Variants in DLGAP3 observed in about 807,000 individuals in gnomAD.
The protein encoded by DLGAP3 is DLG associated protein 3.
DLGAP3 carries 17 observed loss-of-function variants against 81.2 expected under a neutral mutation model. The ratio of observed to expected loss-of-function variants is 0.21; its 90% CI spans 0.14 to 0.31. The LOEUF is 0.31. Among genes scored for constraint, DLGAP3 ranks in the 10% least tolerant of loss-of-function variants. The pLI is 1.00. For missense variants in DLGAP3, 1,124 were observed against 1,388.0 expected (o/e 0.81, Z 3.02); for synonymous variants, 577 against 587.4 (o/e 0.98, Z 0.26).
chr1:34,914,927 A>G (rs969787097), intron 1 of DLGAP3, among the ~76,000 whole-genome samples: 1 of 152,148 alleles, frequency 6.6e-6, no homozygotes, highest in Non-Finnish European at 1.5e-5. Flanking sequence ...TAAGCGTACC[A>G]AAGACAGCAG....
At chr1:34,907,639 A>T (rs1397712522) in intron 1 of DLGAP3, among the ~76,000 whole-genome samples, 1 of 152,206 alleles carries the variant, frequency 6.6e-6, no homozygotes, top group African/African-American at 2.4e-5. Flanking sequence ...ATGAGCTTAC[A>T]GGTTGGACTA....
chr1:34,891,776 G>A (rs1392502632), intron 5 of DLGAP3, among the ~76,000 whole-genome samples: 1 of 152,122 alleles, frequency 6.6e-6, no homozygotes, highest in Non-Finnish European at 1.5e-5. Flanking sequence ...ATGCAGATAT[G>A]GGGGAAACCC....
At chr1:34,894,956 G>T (rs1291253827) in intron 5 of DLGAP3, among the ~76,000 whole-genome samples, 1 of 152,198 alleles carries the variant, frequency 6.6e-6, no homozygotes, top group East Asian at 1.9e-4. Flanking sequence ...AGTATTTGAG[G>T]TGATGGGTAT....
At chr1:34,905,953 C>G (rs1292935863) in intron 2 of DLGAP3, among the ~76,000 whole-genome samples, 5 of 143,890 alleles carry the variant, frequency 3.5e-5, no homozygotes, top group African/African-American at 1.3e-4. Context: ...CTGCAGTGAA[C>G]TATGATTGTA....
At chr1:34,881,107 T>C (rs973159742) in intron 8 of DLGAP3, among the ~76,000 whole-genome samples, 1 of 152,222 alleles carries the variant, frequency 6.6e-6, no homozygotes, top group African/African-American at 2.4e-5. Context: ...TAAAAAATTG[T>C]AGGCTTACAA....
At chr1:34,916,179 G>A (rs1050539867) in intron 1 of DLGAP3, among the ~76,000 whole-genome samples, 5 of 152,130 alleles carry the variant, frequency 3.3e-5, no homozygotes, top group East Asian at 1.9e-4. Flanking sequence ...AAAGGAAGGC[G>A]ATGACTCCCT....
intron 5 of DLGAP3, among the ~76,000 whole-genome samples, chr1:34,894,768 G>A (rs898749175): frequency 6.6e-6 from 1 of 152,274 alleles, no homozygotes; most frequent in South Asian, 2.1e-4. Context: ...AGGAGGTAAA[G>A]TGAGGAGTAA....
chr1:34,885,515 G>T lies in DLGAP3; in HGVS notation c.1877C>A (p.Ala626Glu). The change falls in exon 7 of 12, where the codon GCG (alanine) becomes GAG (glutamate). Residue 626 changes from alanine (A) to glutamate (E), a missense_variant. Physicochemically the swap from Ala to Glu is moderately radical, Grantham distance 107. Coordinates refer to ENST00000373347, the MANE Select transcript of DLGAP3 (RefSeq NM_001080418.3). ...IPGREELRSL[A>E]RQRKWRPSIG... ...GGACGGCCGCCACTTCCGCTGCCGC[G>T]CCAGGCTCCGCAGCTCCTCCCTGCC... 1 of 1,609,060 alleles carries T rather than the reference G, an allele frequency of 6.2e-7. No homozygotes were observed. The highest frequency in any genetic ancestry group is 1.1e-5 in the South Asian group (1 of 91,068).
intron 7 of DLGAP3, among the ~76,000 whole-genome samples, 179 bp downstream of exon 7, chr1:34,885,299 C>T (rs1639202874): frequency 6.6e-6 from 1 of 152,166 alleles, no homozygotes; most frequent in Non-Finnish European, 1.5e-5. Flanking sequence ...GGACGAGGGA[C>T]GAGGGAGTGG....
intron 1 of DLGAP3, among the ~76,000 whole-genome samples, chr1:34,914,048 C>A (rs1001307151): frequency 6.6e-6 from 1 of 152,120 alleles, no homozygotes; most frequent in Admixed American, 6.5e-5. Flanking sequence ...AAGAATGAGG[C>A]ACAACTTTCA....
chr1:34,891,027 A>C (rs562493311), intron 5 of DLGAP3, among the ~76,000 whole-genome samples: 2 of 152,252 alleles, frequency 1.3e-5, no homozygotes, highest in Non-Finnish European at 2.9e-5. Context: ...AATGATGTTT[A>C]AAAGTTCCAA....
At position 34,873,837 on chromosome 1, in the gene DLGAP3, T is replaced by C. The variant is rs1388315366; in HGVS notation, c.2001-4748A>G. 2.0e-5 allele frequency among the ~76,000 whole-genome samples: 3 copies of C among 151,916 alleles called. No homozygotes were observed. The highest frequency in any genetic ancestry group is 4.2e-4 in the South Asian group (2 of 4,818). On this transcript the variant is annotated intron_variant, in intron 8 of 11. Coordinates refer to ENST00000373347, the MANE Select transcript of DLGAP3 (RefSeq NM_001080418.3). This position sits in a 1 kb window ranked among gnomAD's most constrained non-coding sequence, Gnocchi z 4.2. ...ACTGGTTGGTTGGTTGGTTGGTTGG[T>C]TGGTTGGTTGGTTGGAAGGAAGGAT... is the stretch of plus-strand genomic sequence containing the variant.
intron 1 of DLGAP3, among the ~76,000 whole-genome samples, chr1:34,908,430 A>C (rs771292423): frequency 1.3e-5 from 2 of 152,220 alleles, no homozygotes; most frequent in Non-Finnish European, 2.9e-5. Context: ...CAACAAGCAC[A>C]GGGAGAAGAG....
intron 1 of DLGAP3, among the ~76,000 whole-genome samples, chr1:34,917,144 C>T (rs1269735918): frequency 6.6e-6 from 1 of 152,136 alleles, no homozygotes; most frequent in Admixed American, 6.5e-5. Flanking sequence ...CTATACACTG[C>T]CCCAAGACTG....
At position 34,873,120 on chromosome 1, in the gene DLGAP3, T is replaced by G. The variant is rs557422767; in HGVS notation, c.2001-4031A>C. 6.6e-6 allele frequency among the ~76,000 whole-genome samples: 1 copy of G among 152,294 alleles called. No individual in the cohort carries two copies. The highest frequency in any genetic ancestry group is 2.1e-4 in the South Asian group (1 of 4,820). On this transcript the variant is annotated intron_variant, in intron 8 of 11. Transcript: ENST00000373347. This position sits in a 1 kb window ranked among gnomAD's most constrained non-coding sequence, Gnocchi z 4.2. ...AATCCTCACAAACAGTCCCACTCTA[T>G]GGATGTTAGTGTCAGCCCTACTTGT...
chr1:34,923,519 T>A (rs909192405), intron 1 of DLGAP3, among the ~76,000 whole-genome samples: 2 of 151,928 alleles, frequency 1.3e-5, no homozygotes, highest in African/African-American at 4.8e-5. Flanking sequence ...AGAGCAGGAC[T>A]CTCTAAGGGG....
chr1:34,871,731 C>A (rs1408465769), intron 8 of DLGAP3, among the ~76,000 whole-genome samples: 2 of 152,184 alleles, frequency 1.3e-5, no homozygotes, highest in Non-Finnish European at 2.9e-5. Context: ...TTCGGCACTG[C>A]CATGTTCGCT....
chr1:34,907,505 G>A (rs951411090), intron 1 of DLGAP3, 68 bp from the exon 2 acceptor site: 1 of 152,612 alleles, frequency 6.6e-6, no homozygotes, highest in African/African-American at 2.4e-5. Context: ...CAGAGGACCG[G>A]TCTCTGGCCC....
At chr1:34,881,331 C>T (rs6690532) in intron 8 of DLGAP3, among the ~76,000 whole-genome samples, 4 of 152,212 alleles carry the variant, frequency 2.6e-5, no homozygotes, top group African/African-American at 4.8e-5. Flanking sequence ...TGCTTCCCAG[C>T]TAAAAGACTA....
Sources: allele counts gnomAD v4.1 joint callset (sites outside exome capture counted in the v4.1 genomes callset), GRCh38; gene constraint gnomAD v4.1.1; non-coding constraint Gnocchi (gnomAD v3.1); transcripts MANE v1.5; gene names NCBI Gene and HGNC (gene_info 2026-07-23, HGNC 2026-07-21).